Variants in ZBED1 observed in about 807,000 individuals in gnomAD.
ZBED1 encodes E3 SUMO-protein ligase ZBED1.
A neutral mutation model predicts 49.7 loss-of-function variants in ZBED1; 19 were observed. That is an observed-to-expected ratio of 0.38 (90% CI 0.27 to 0.56). The LOEUF (loss-of-function observed/expected upper bound fraction) is 0.56, where lower values mean the gene tolerates loss of function less well. Ranked by LOEUF, ZBED1 falls within the 20% of genes least tolerant of loss-of-function variation. The pLI, the probability that ZBED1 is intolerant of heterozygous loss-of-function variation, is 0.70. For missense variants in ZBED1, 806 were observed against 972.6 expected (o/e 0.83, Z 2.28); for synonymous variants, 439 against 440.3 (o/e 1.00, Z 0.04).
At position 2,500,804 on chromosome X, in the gene ZBED1, C is replaced by G. The variant is rs2045408712; in HGVS notation, c.-54+13G>C. The G allele has an allele frequency of 8.9e-7, 1 of 1,120,710 alleles. No homozygotes were observed. Among genetic ancestry groups the G allele is most frequent in the Non-Finnish European group, 1.1e-6 (1 of 915,152 alleles). The allele number at this position is 1,120,710 out of a possible 1,614,324, so 69.4% of individuals were successfully genotyped here. A position where few individuals can be genotyped will look rare whatever the true frequency, so the allele number is the denominator to read the frequency against. On this transcript the variant is annotated intron_variant, in intron 1 of 1. Transcript: ENST00000652001. ...GGTCCCCGGAGCCCTGACCCCTGCC[C>G]CGCCCCGCTGACCTGGCTCCAGGAA...
chrX:2,496,854 A>G (rs2045297653), intron 1 of ZBED1, among the ~76,000 whole-genome samples: 1 of 149,118 alleles, frequency 6.7e-6, no homozygotes, highest in South Asian at 2.1e-4. Flanking sequence ...TTTTATATTT[A>G]TAGAAAAGTA....
chrX:2,486,841 G>A lies in ZBED1; in HGVS notation c.*1794C>T, dbSNP rs921814135. 12 of 152,226 alleles carry A rather than the reference G, an allele frequency of 7.9e-5. No homozygotes were observed. The highest frequency in any genetic ancestry group is 2.2e-4 in the African/African-American group (9 of 41,446). The allele number at this position is 152,226 out of a possible 1,614,324, so 9.4% of individuals were successfully genotyped here. ...GCTTCCTTTTCCACAGACTTAAACC[G>A]GCTCAGGACGTAAGGATAACATTCT... On this transcript the variant is annotated 3_prime_UTR_variant, in exon 2 of 2. Coordinates refer to ENST00000652001, the MANE Select transcript of ZBED1 (RefSeq NM_001171136.2).
Position 2,488,876 on chromosome X carries a change from C to T in ZBED1, c.1844G>A (p.Arg615His), listed in dbSNP as rs779576731. 8.1e-6 allele frequency: 13 copies of T among 1,612,392 alleles called. No individual in the cohort carries two copies. Among genetic ancestry groups the T allele is most frequent in the South Asian group, 3.3e-5 (3 of 90,912 alleles). ...TCCGAAGAGACGCTCAGGGGCGACG[C>T]GCGTGGCCGTCACGCACCAGTACTT... The part of the protein sequence containing the change: ...LQKYWCVTAT[R>H]VAPERLFGSA... The change falls in exon 2 of 2, where the codon CGC becomes CAC. Residue 615 changes from arginine to histidine, a missense_variant. This residue lies in a region of ZBED1 where 749 missense variants were observed against 861.3 expected (regional missense o/e 0.87). Coordinates refer to ENST00000652001, the MANE Select transcript of ZBED1 (RefSeq NM_001171136.2).
chrX:2,496,929 TAC>T (rs1303050417), intron 1 of ZBED1, among the ~76,000 whole-genome samples: 4 of 149,722 alleles, frequency 2.7e-5, no homozygotes, highest in Non-Finnish European at 6.0e-5. Flanking sequence ...ATATATTACA[TAC>T]ATTTTTGTAT....
At chrX:2,497,207 C>T (rs1435265683) in intron 1 of ZBED1, among the ~76,000 whole-genome samples, 1 of 152,018 alleles carries the variant, frequency 6.6e-6, no homozygotes, top group Non-Finnish European at 1.5e-5. Flanking sequence ...CCAGCCTGAC[C>T]AACATGGAGA....
rs1177235504 is a variant in ZBED1 at position 2,490,239 on chromosome X, C to T, written c.481G>A (p.Glu161Lys). Residue 161 changes from glutamate to lysine, a missense_variant, in exon 2 of 2, where the codon GAG (glutamate) becomes AAG (lysine). This residue lies in a region of ZBED1 where 749 missense variants were observed against 861.3 expected (regional missense o/e 0.87). Coordinates refer to ENST00000652001, the MANE Select transcript of ZBED1 (RefSeq NM_001171136.2). ...VLLKTADPRY[E>K]LPSRKYISTK... is the part of the protein sequence containing the mutation. ...GAGATGTACTTCCGGCTGGGCAGCT[C>T]ATACCGGGGGTCGGCCGTCTTCAGC... 2 of 1,613,934 alleles carry T rather than the reference C, an allele frequency of 1.2e-6. No homozygotes were observed. Among genetic ancestry groups the T allele is most frequent in the Non-Finnish European group, 8.5e-7 (1 of 1,179,872 alleles).
chrX:2,489,725 A>T lies in ZBED1; in HGVS notation c.995T>A (p.Leu332His), dbSNP rs1251488241. Reference protein sequence around the residue: ...FQQSAVAMYMLYEKQKQQNVA... With the variant: ...FQQSAVAMYMHYEKQKQQNVA... ...GTTCTGCTGCTTCTGCTTCTCATAGAGCATGTACATGGCCACGGCAGACTG... is the reference window on the plus strand; with the variant it reads ...GTTCTGCTGCTTCTGCTTCTCATAGTGCATGTACATGGCCACGGCAGACTG... Residue 332 changes from leucine (L) to histidine (H), a missense_variant, in exon 2 of 2, where the codon CTC becomes CAC. Around this residue, in one of 2 missense-constraint regions of ZBED1, gnomAD observed 749 missense variants for 861.3 expected, o/e 0.87. Transcript: ENST00000652001. 1 of 1,613,078 alleles carries T rather than the reference A, an allele frequency of 6.2e-7. No individual in the cohort carries two copies. Among genetic ancestry groups the T allele is most frequent in the South Asian group, 1.1e-5 (1 of 91,026 alleles).
chrX:2,499,737 T>C (rs778386785), intron 1 of ZBED1, among the ~76,000 whole-genome samples: 1 of 152,256 alleles, frequency 6.6e-6, no homozygotes, highest in Admixed American at 6.5e-5. Context: ...CAAGACCCTA[T>C]TGCTACACAA....
In ZBED1 at chrX:2,488,874, C is replaced by A. The variant is rs201137609; in HGVS notation, c.1846G>T (p.Val616Phe). The A allele has an allele frequency of 1.2e-6, 2 of 1,612,404 alleles. No homozygotes were observed. Among genetic ancestry groups the A allele is most frequent in the Non-Finnish European group, 1.7e-6 (2 of 1,178,976 alleles). The change falls in exon 2 of 2, where the codon GTC becomes TTC. Residue 616 changes from valine (V) to phenylalanine (F), a missense_variant. Physicochemically the swap from Val to Phe is conservative, Grantham distance 50. This residue lies in a region of ZBED1 where 749 missense variants were observed against 861.3 expected (regional missense o/e 0.87). Coordinates refer to ENST00000652001, the MANE Select transcript of ZBED1 (RefSeq NM_001171136.2). The part of the protein sequence containing the change: ...QKYWCVTATR[V>F]APERLFGSAA... ...GATCCGAAGAGACGCTCAGGGGCGACGCGCGTGGCCGTCACGCACCAGTAC... is the reference window on the plus strand; with the variant it reads ...GATCCGAAGAGACGCTCAGGGGCGAAGCGCGTGGCCGTCACGCACCAGTAC...
At position 2,489,416 on chromosome X, in the gene ZBED1, T is replaced by A; in HGVS notation, c.1304A>T (p.Asn435Ile). 1 of 1,613,884 alleles carries A rather than the reference T, an allele frequency of 6.2e-7. No individual in the cohort carries two copies. Among genetic ancestry groups the A allele is most frequent in the Non-Finnish European group, 8.5e-7 (1 of 1,179,850 alleles). The change falls in exon 2 of 2, where the codon AAC (asparagine) becomes ATC (isoleucine). Residue 435 changes from asparagine (N) to isoleucine (I), a missense_variant. By Grantham distance (149) the Asn-to-Ile change is moderately radical (BLOSUM62 -3). Transcript: ENST00000652001. ...CTCCTTGGAGTCGGTCTCCTTGATG[T>A]TGAGCGTGGTGTTCAGGAGCATGTG... is the stretch of plus-strand genomic sequence containing the variant. ...LLHMLLNTTLNIKETDSKELS... is the reference protein window; with the variant it reads ...LLHMLLNTTLIIKETDSKELS...
chrX:2,498,286 T>C (rs1245264900), intron 1 of ZBED1, among the ~76,000 whole-genome samples: 1 of 152,164 alleles, frequency 6.6e-6, no homozygotes, highest in Non-Finnish European at 1.5e-5. Context: ...ATTGGCCCTC[T>C]TGGTTATTCA....
intron 1 of ZBED1, among the ~76,000 whole-genome samples, chrX:2,492,343 G>A (rs759453862): frequency 3.3e-5 from 5 of 152,218 alleles, no homozygotes; most frequent in South Asian, 2.1e-4. Flanking sequence ...GACAGAGGCC[G>A]AGACTGGAGT....
At chrX:2,492,875 T>C (rs1289803726) in intron 1 of ZBED1, among the ~76,000 whole-genome samples, 3 of 152,256 alleles carry the variant, frequency 2.0e-5, no homozygotes, top group Non-Finnish European at 2.9e-5. Context: ...TCTGGTACTT[T>C]ATTAAAGCAA....
chrX:2,496,565 C>A (rs572337305), intron 1 of ZBED1, among the ~76,000 whole-genome samples: 2 of 152,124 alleles, frequency 1.3e-5, no homozygotes, highest in Non-Finnish European at 2.9e-5. Context: ...GCACCAGAAT[C>A]TCACAAATCA....
In ZBED1 at chrX:2,490,483, G is replaced by A; in HGVS notation, c.237C>T (p.Val79=). 1.2e-6 allele frequency: 2 copies of A among 1,614,012 alleles called. No homozygotes were observed. The highest frequency in any genetic ancestry group is 2.2e-5 in the South Asian group (2 of 91,074). The change falls in exon 2 of 2, where the codon GTC becomes GTT. Residue 79 remains valine (V), a synonymous_variant. Coordinates refer to ENST00000652001, the MANE Select transcript of ZBED1 (RefSeq NM_001171136.2). ...CACGCATCTGCTCCGTGTTGCTCTT[G>A]ACGAACTCGCAGAATTCCTCGGGGT... The part of the protein sequence containing the change: ...KNHPEEFCEF[V]KSNTEQMREA...
At chrX:2,494,827 A>G (rs1296856225) in intron 1 of ZBED1, among the ~76,000 whole-genome samples, 2 of 151,902 alleles carry the variant, frequency 1.3e-5, no homozygotes, top group South Asian at 2.1e-4. Context: ...TTCTATTATC[A>G]TTATAATTAT....
intron 1 of ZBED1, among the ~76,000 whole-genome samples, chrX:2,498,311 A>G (rs1356420584): frequency 4.6e-5 from 7 of 152,200 alleles, no homozygotes; most frequent in Admixed American, 1.3e-4. Context: ...GCTTAGCTCA[A>G]ATGCCCTGGA....
chrX:2,500,441 C>T (rs1432119634), intron 1 of ZBED1: 2 of 164,370 alleles, frequency 1.2e-5, no homozygotes, highest in East Asian at 1.9e-4. Context: ...GCGGGGCGTG[C>T]GAGCCCCCGG....
chrX:2,497,904 C>A (rs940638498), intron 1 of ZBED1, among the ~76,000 whole-genome samples: 25 of 152,176 alleles, frequency 1.6e-4, no homozygotes, highest in Non-Finnish European at 2.9e-4. Context: ...ATTAAATGCA[C>A]TGATTAAATC....
Sources: gnomAD v4.1 joint callset for allele counts (sites outside exome capture counted in the v4.1 genomes callset) on GRCh38, gnomAD v4.1.1 for gene constraint, gnomAD v4.1.1 regional missense constraint, MANE v1.5 for transcripts, NCBI Gene and HGNC (gene_info 2026-07-23, HGNC 2026-07-21) for gene names.